NEGR1: variants seen among roughly 807,000 people sequenced by gnomAD.
NEGR1 encodes the protein neuronal growth regulator 1.
NEGR1 carries 10 observed loss-of-function variants against 40.9 expected under a neutral mutation model. The ratio of observed to expected loss-of-function variants is 0.24; its 90% CI spans 0.15 to 0.42. The LOEUF is 0.42. Ranked by LOEUF, NEGR1 falls within the 10% of genes least tolerant of loss-of-function variation. NEGR1 has a pLI of 1.00. For missense variants in NEGR1, 352 were observed against 438.9 expected (o/e 0.80, Z 1.77); for synonymous variants, 185 against 166.8 (o/e 1.11, Z -0.84).
intron 6 of NEGR1, among the ~76,000 whole-genome samples, chr1:71,497,695 AAACAC>A (rs1163031882): frequency 2.0e-5 from 3 of 152,146 alleles, no homozygotes; most frequent in Non-Finnish European, 2.9e-5. Context: ...TCAATTTTAG[AAACAC>A]AACTTAAAAG....
chr1:71,790,261 GGAAGCA>G (rs1657065905), intron 2 of NEGR1, among the ~76,000 whole-genome samples: 1 of 152,052 alleles, frequency 6.6e-6, no homozygotes, highest in South Asian at 2.1e-4. Flanking sequence ...ATGTCTATAT[GGAAGCA>G]GAATGTCAGC....
At chr1:71,773,523 A>G (rs1168310980) in intron 3 of NEGR1, among the ~76,000 whole-genome samples, 1 of 152,204 alleles carries the variant, frequency 6.6e-6, no homozygotes, top group Non-Finnish European at 1.5e-5. Context: ...TTAAATATAA[A>G]TTAATAAGTC....
At chr1:72,180,623 A>C (rs1380471702) in intron 1 of NEGR1, among the ~76,000 whole-genome samples, 2 of 152,146 alleles carry the variant, frequency 1.3e-5, no homozygotes, top group Non-Finnish European at 1.5e-5. Flanking sequence ...ATAGTGAAAA[A>C]AATCACCCAA....
In NEGR1 at chr1:71,660,817, A is replaced by G. The variant is rs146519529; in HGVS notation, c.667+37191T>C. On this transcript the variant is annotated intron_variant, in intron 4 of 6. Coordinates refer to ENST00000357731, the MANE Select transcript of NEGR1 (RefSeq NM_173808.3). ...CTGCAGCCATCAACCCGTCATCCAC[A>G]TTAGGTATTTCTCCTAATGCTATCC... Among the ~76,000 whole-genome samples, 591 of 152,230 alleles carry G rather than the reference A, an allele frequency of 3.9e-3. 14 individuals carry two copies. In the East Asian group the frequency reaches 0.039, roughly 10 times the overall value.
chr1:71,678,688 T>C (rs1034259232), intron 4 of NEGR1, among the ~76,000 whole-genome samples: 40 of 152,162 alleles, frequency 2.6e-4, no homozygotes, highest in Non-Finnish European at 2.5e-4. Flanking sequence ...TTCAACATTT[T>C]GTTCAACAGT....
chr1:71,656,636 G>T (rs1360182161), intron 4 of NEGR1, among the ~76,000 whole-genome samples: 1 of 152,108 alleles, frequency 6.6e-6, no homozygotes, highest in Admixed American at 6.6e-5. Context: ...TCCTGACCTC[G>T]TGATCCGCCC....
intron 1 of NEGR1, among the ~76,000 whole-genome samples, chr1:72,085,059 C>T (rs192987291): frequency 6.6e-4 from 101 of 152,288 alleles, no homozygotes; most frequent in African/African-American, 2.3e-3. Context: ...TTTCATAAAG[C>T]TCATTTTAGG....
chr1:71,686,285 A>G (rs1653033677), intron 4 of NEGR1, among the ~76,000 whole-genome samples: 1 of 152,254 alleles, frequency 6.6e-6, no homozygotes. Context: ...AGACTCAAAC[A>G]TACAATGAGG....
At chr1:71,711,109 G>A (rs184942699) in intron 3 of NEGR1, among the ~76,000 whole-genome samples, 6 of 151,522 alleles carry the variant, frequency 4.0e-5, no homozygotes, top group East Asian at 2.0e-4. Context: ...AGGCTGAGGC[G>A]GGCAGATCAC....
intron 5 of NEGR1, among the ~76,000 whole-genome samples, chr1:71,600,558 A>G (rs1304435742): frequency 6.6e-6 from 1 of 152,168 alleles, no homozygotes; most frequent in African/African-American, 2.4e-5. Context: ...TGTGAGTGGA[A>G]GGGGCTTACA....
intron 6 of NEGR1, among the ~76,000 whole-genome samples, chr1:71,514,814 T>G (rs1476220638): frequency 2.1e-5 from 2 of 93,412 alleles, no homozygotes; most frequent in African/African-American, 1.0e-4. Flanking sequence ...GCAAAGAAGT[T>G]GAAAACTTCG....
intron 6 of NEGR1, among the ~76,000 whole-genome samples, chr1:71,551,689 A>G (rs1648079958): frequency 6.6e-6 from 1 of 151,538 alleles, no homozygotes; most frequent in Non-Finnish European, 1.5e-5. Context: ...CCAGGATGTC[A>G]GTTTCAAAAC....
At chr1:71,668,227 C>T (rs1435705126) in intron 4 of NEGR1, among the ~76,000 whole-genome samples, 2 of 152,176 alleles carry the variant, frequency 1.3e-5, no homozygotes, top group Admixed American at 6.5e-5. Context: ...TTGTCCATTA[C>T]CCTTGCTCTT....
chr1:71,657,262 T>C (rs779737727), intron 4 of NEGR1, among the ~76,000 whole-genome samples: 30 of 152,208 alleles, frequency 2.0e-4, no homozygotes, highest in African/African-American at 6.3e-4. Flanking sequence ...AGGGATTCTG[T>C]CTCGACCTTT....
At chr1:71,753,880 C>T (rs1453980805) in intron 3 of NEGR1, among the ~76,000 whole-genome samples, 1 of 151,722 alleles carries the variant, frequency 6.6e-6, no homozygotes, top group African/African-American at 2.4e-5. Context: ...CTGACTTTTT[C>T]GAAGACTGCA....
At chr1:71,972,612 T>A (rs966584172) in intron 1 of NEGR1, among the ~76,000 whole-genome samples, 1 of 152,196 alleles carries the variant, frequency 6.6e-6, no homozygotes, top group Admixed American at 6.5e-5. Context: ...TGGTAGTATT[T>A]GTCTCTCTAG....
chr1:71,671,011 G>A (rs1236432593), intron 4 of NEGR1, among the ~76,000 whole-genome samples: 1 of 152,046 alleles, frequency 6.6e-6, no homozygotes, highest in Non-Finnish European at 1.5e-5. Context: ...AAAGCACTTT[G>A]TCACTGTTGG....
intron 6 of NEGR1, among the ~76,000 whole-genome samples, chr1:71,579,154 G>C (rs1363833438): frequency 6.6e-6 from 1 of 152,126 alleles, no homozygotes; most frequent in African/African-American, 2.4e-5. Context: ...GTCCACTTTA[G>C]AAGCTAGCAT....
intron 1 of NEGR1, among the ~76,000 whole-genome samples, chr1:72,099,856 T>G (rs1479113217): frequency 1.3e-5 from 2 of 151,830 alleles, no homozygotes; most frequent in Non-Finnish European, 2.9e-5. Context: ...AAAATTTCAA[T>G]GTATACATTA....
Sources: allele counts gnomAD v4.1 joint callset (sites outside exome capture counted in the v4.1 genomes callset), GRCh38; gene constraint gnomAD v4.1.1; transcripts MANE v1.5; gene names NCBI Gene and HGNC (gene_info 2026-07-23, HGNC 2026-07-21).